Variants in LRP1B observed in about 807,000 individuals in gnomAD.
LRP1B encodes low-density lipoprotein receptor-related protein 1B.
A neutral mutation model predicts 556.6 loss-of-function variants in LRP1B; 217 were observed. The observed-to-expected ratio is 0.39, with a 90% CI of 0.35 to 0.44. LRP1B has a LOEUF of 0.44. Among genes scored for constraint, LRP1B ranks in the 20% least tolerant of loss-of-function variants. The pLI, the probability that LRP1B is intolerant of heterozygous loss-of-function variation, is 1.00. For missense variants in LRP1B, 5,053 were observed against 5,620.8 expected (o/e 0.90, Z 3.23); for synonymous variants, 2,047 against 1,865.8 (o/e 1.10, Z -2.50).
intron 42 of LRP1B, among the ~76,000 whole-genome samples, chr2:140,600,940 A>C (rs569487727): frequency 1.3e-5 from 2 of 151,802 alleles, no homozygotes; most frequent in East Asian, 1.9e-4. Flanking sequence ...TATATCATCA[A>C]ACAGCTGTAG....
At chr2:141,872,529 GAATT>G (rs768928548) in intron 1 of LRP1B, among the ~76,000 whole-genome samples, 43 of 151,798 alleles carry the variant, frequency 2.8e-4, no homozygotes, top group Non-Finnish European at 3.2e-4. Context: ...ACAAAAGATA[GAATT>G]AATATTTAAA....
chr2:140,276,952 T>C (rs1250235270), intron 84 of LRP1B, among the ~76,000 whole-genome samples: 1 of 151,928 alleles, frequency 6.6e-6, no homozygotes, highest in Admixed American at 6.6e-5. Flanking sequence ...CTGGAGAGAA[T>C]TTTACTAGTT....
chr2:141,351,592 A>G (rs1256322886), intron 3 of LRP1B, among the ~76,000 whole-genome samples: 2 of 152,000 alleles, frequency 1.3e-5, no homozygotes, highest in African/African-American at 2.4e-5. Flanking sequence ...TCATGTATCA[A>G]ATGTATAATA....
intron 66 of LRP1B, among the ~76,000 whole-genome samples, chr2:140,415,901 G>C (rs1685177837): frequency 6.6e-6 from 1 of 152,198 alleles, no homozygotes; most frequent in Non-Finnish European, 1.5e-5. Context: ...ATGCAAGTTT[G>C]GCTAGTGGCC....
chr2:142,086,074 G>T (rs181734402), intron 1 of LRP1B, among the ~76,000 whole-genome samples: 1 of 152,216 alleles, frequency 6.6e-6, no homozygotes, highest in African/African-American at 2.4e-5. Context: ...ATAAAAAGTT[G>T]CATTAAAGTA....
Position 140,358,034 on chromosome 2 carries a change from C to T in LRP1B, c.11340G>A (p.Gln3780=). ...CTCCGCAGTCATCAAGTCGATCACA[C>T]TGGAGATCCATAGGGATGCATTTTT... The part of the protein sequence containing the change: ...SNKKCIPMDL[Q]CDRLDDCGDG... The change falls in exon 74 of 91, where the codon CAG becomes CAA. Residue 3780 remains glutamine (Q), a synonymous_variant. Transcript: ENST00000389484. The T allele has an allele frequency of 1.2e-6, 2 of 1,611,620 alleles. No individual in the cohort carries two copies. Among genetic ancestry groups the T allele is most frequent in the Non-Finnish European group, 8.5e-7 (1 of 1,178,390 alleles).
intron 35 of LRP1B, among the ~76,000 whole-genome samples, chr2:140,760,269 TA>T (rs1160078203): frequency 6.6e-6 from 1 of 152,158 alleles, no homozygotes; most frequent in Non-Finnish European, 1.5e-5. Flanking sequence ...GCACTATTTG[TA>T]TTTTGGGATG....
chr2:141,243,325 A>C (rs1683950921), intron 5 of LRP1B, among the ~76,000 whole-genome samples: 1 of 151,912 alleles, frequency 6.6e-6, no homozygotes, highest in Non-Finnish European at 1.5e-5. Flanking sequence ...TGTACAAAAA[A>C]TTTTTAAATT....
chr2:140,748,617 A>G (rs1286833980), intron 35 of LRP1B, among the ~76,000 whole-genome samples: 1 of 116,138 alleles, frequency 8.6e-6, no homozygotes. Flanking sequence ...ATATATATAT[A>G]TATATATATT....
intron 1 of LRP1B, among the ~76,000 whole-genome samples, chr2:141,889,976 C>G (rs1385716718): frequency 6.9e-6 from 1 of 145,548 alleles, no homozygotes; most frequent in South Asian, 2.5e-4. Context: ...CCTTCCCCCT[C>G]ACCCACCCCA....
intron 3 of LRP1B, among the ~76,000 whole-genome samples, chr2:141,330,049 G>C (rs1687584915): frequency 6.6e-6 from 1 of 151,766 alleles, no homozygotes; most frequent in Admixed American, 6.6e-5. Flanking sequence ...ATTTTGAATA[G>C]TGAGCAAAAT....
intron 1 of LRP1B, among the ~76,000 whole-genome samples, chr2:141,853,130 A>G (rs541834123): frequency 1.3e-5 from 2 of 151,846 alleles, no homozygotes; most frequent in South Asian, 4.1e-4. Context: ...AATAAAATGA[A>G]AACAAATAAA....
chr2:141,350,799 A>G (rs1573843398), intron 3 of LRP1B, among the ~76,000 whole-genome samples: 1 of 152,096 alleles, frequency 6.6e-6, no homozygotes, highest in East Asian at 1.9e-4. Flanking sequence ...ATTTCATGTA[A>G]TTTCCTTCCT....
At chr2:141,613,302 C>T (rs144692535) in intron 2 of LRP1B, among the ~76,000 whole-genome samples, 5 of 152,210 alleles carry the variant, frequency 3.3e-5, no homozygotes, top group Admixed American at 3.3e-4. Flanking sequence ...ACTACAGCAG[C>T]CAGTATTACT....
chr2:140,514,917 CTA>C, intron 50 of LRP1B, 145 bp from the exon 51 acceptor site: 1 of 816,288 alleles, frequency 1.2e-6, no homozygotes, highest in South Asian at 2.6e-5. Context: ...TATGACAATT[CTA>C]TAAAATTTTG....
chr2:140,599,895 T>C (rs1682586655), intron 42 of LRP1B, among the ~76,000 whole-genome samples: 1 of 152,110 alleles, frequency 6.6e-6, no homozygotes, highest in Non-Finnish European at 1.5e-5. Context: ...AACCTAACTT[T>C]GATTTGCGAT....
intron 47 of LRP1B, among the ~76,000 whole-genome samples, chr2:140,532,047 A>G (rs1690718359): frequency 6.6e-6 from 1 of 151,978 alleles, no homozygotes; most frequent in South Asian, 2.1e-4. Context: ...AATACTTCTG[A>G]TCAACATCTA....
At chr2:141,084,811 G>A (rs982803647) in intron 7 of LRP1B, among the ~76,000 whole-genome samples, 16 of 151,884 alleles carry the variant, frequency 1.1e-4, no homozygotes, top group African/African-American at 3.6e-4. Context: ...CACCACGCCC[G>A]GCTAATTTTT....
intron 51 of LRP1B, among the ~76,000 whole-genome samples, chr2:140,511,482 T>C (rs995499268): frequency 2.0e-5 from 3 of 152,016 alleles, no homozygotes; most frequent in South Asian, 2.1e-4. Context: ...TTTGTATTTT[T>C]AGTAGAGACG....
Sources: allele counts gnomAD v4.1 joint callset (sites outside exome capture counted in the v4.1 genomes callset), GRCh38; gene constraint gnomAD v4.1.1; transcripts MANE v1.5; gene names NCBI Gene and HGNC (gene_info 2026-07-23, HGNC 2026-07-21).